Variants in WWP1 observed in about 807,000 individuals in gnomAD.
WWP1 encodes the protein WW domain containing E3 ubiquitin protein ligase 1.
In WWP1, 49 loss-of-function variants were observed where a neutral mutation model predicts 130.6. The ratio of observed to expected loss-of-function variants is 0.38; its 90% CI spans 0.30 to 0.48. WWP1 has a LOEUF of 0.48. Ranked by LOEUF, WWP1 falls within the 20% of genes least tolerant of loss-of-function variation. The pLI, the probability that WWP1 is intolerant of heterozygous loss-of-function variation, is 0.99. For synonymous variants in WWP1, 332 were observed against 367.8 expected (o/e 0.90, Z 1.11); for missense variants, 809 against 1,100.6 (o/e 0.74, Z 3.75).
chr8:86,454,261 T>C (rs905270907), intron 21 of WWP1, among the ~76,000 whole-genome samples: 1 of 152,196 alleles, frequency 6.6e-6, no homozygotes, highest in Non-Finnish European at 1.5e-5. Flanking sequence ...AATGCTATGG[T>C]AAATAGTTGT....
At chr8:86,411,513 G>A in intron 8 of WWP1, 25 bp from the exon 9 acceptor site, 1 of 1,586,860 alleles carries the variant, frequency 6.3e-7, no homozygotes, top group Non-Finnish European at 8.6e-7. Flanking sequence ...CTTGATAGAT[G>A]ATTTTATTAA....
intron 11 of WWP1, among the ~76,000 whole-genome samples, chr8:86,428,188 G>A (rs1809736773): frequency 6.6e-6 from 1 of 152,010 alleles, no homozygotes; most frequent in South Asian, 2.1e-4. Flanking sequence ...TTTACTTAGA[G>A]CCAGTCTTGC....
intron 5 of WWP1, among the ~76,000 whole-genome samples, chr8:86,392,754 C>T (rs73271015): frequency 0.11 from 15,857 of 142,042 alleles, 2,730 homozygotes; most frequent in African/African-American, 0.36. Flanking sequence ...TATAAATTCA[C>T]TTACTATCAA....
chr8:86,347,886 C>A (rs1259647668), intron 1 of WWP1, among the ~76,000 whole-genome samples: 1 of 152,004 alleles, frequency 6.6e-6, no homozygotes, highest in Non-Finnish European at 1.5e-5. Flanking sequence ...TTGAAATGCT[C>A]CAAAATGGGA....
At chr8:86,413,868 T>C (rs1808723179) in intron 9 of WWP1, among the ~76,000 whole-genome samples, 1 of 152,206 alleles carries the variant, frequency 6.6e-6, no homozygotes, top group Non-Finnish European at 1.5e-5. Flanking sequence ...TTGCTTTTAT[T>C]AAGATCATTT....
At chr8:86,384,052 C>T (rs899307791) in intron 5 of WWP1, among the ~76,000 whole-genome samples, 6 of 152,278 alleles carry the variant, frequency 3.9e-5, no homozygotes, top group African/African-American at 1.4e-4. Context: ...TGTAGATGGA[C>T]ATCTTTTCCC....
chr8:86,369,445 A>G (rs1824158774), intron 2 of WWP1, among the ~76,000 whole-genome samples: 1 of 152,036 alleles, frequency 6.6e-6, no homozygotes, highest in Admixed American at 6.6e-5. Flanking sequence ...GAGTCTGGGG[A>G]TTGGGTGATA....
intron 5 of WWP1, 108 bp downstream of exon 5, chr8:86,381,737 T>G (rs1824998730): frequency 1.8e-6 from 2 of 1,114,394 alleles, no homozygotes; most frequent in Non-Finnish European, 2.4e-6. Flanking sequence ...ATAAAGAACT[T>G]CAGTTATTGC....
intron 1 of WWP1, among the ~76,000 whole-genome samples, chr8:86,351,335 A>AC (rs1222998608): frequency 3.3e-5 from 5 of 151,546 alleles, no homozygotes; most frequent in Non-Finnish European, 7.4e-5. Context: ...TCAAATTTCC[A>AC]CCCCCAGCTT....
chr8:86,453,968 A>G (rs142494215), intron 21 of WWP1, among the ~76,000 whole-genome samples: 32 of 152,284 alleles, frequency 2.1e-4, no homozygotes, highest in Middle Eastern at 6.8e-3. Flanking sequence ...TCTTTCATGT[A>G]ATCAAATGTG....
At chr8:86,465,962 G>GT (rs1812080648) in intron 24 of WWP1, among the ~76,000 whole-genome samples, 1 of 152,068 alleles carries the variant, frequency 6.6e-6, no homozygotes, top group Non-Finnish European at 1.5e-5. Context: ...ATGGAAAGTG[G>GT]TGACAGTGGT....
chr8:86,447,036 A>G (rs1032803659), intron 18 of WWP1, among the ~76,000 whole-genome samples: 1 of 152,198 alleles, frequency 6.6e-6, no homozygotes, highest in African/African-American at 2.4e-5. Context: ...TAGGAATGAA[A>G]TAGTCATCTA....
In WWP1 at chr8:86,459,023, CTTTTTTTTTTT is replaced by C. The variant is rs71275853; in HGVS notation, c.2499+1012_2499+1022del. Among the ~76,000 whole-genome samples the C allele has an allele frequency of 4.7e-5, 4 of 84,260 alleles. No individual in the cohort carries two copies. The East Asian group carries it at 1.6e-3, about 35-fold the overall frequency. The allele number at this position is 84,260 out of a possible 152,430, so 55.3% of individuals were successfully genotyped here. A position where few individuals can be genotyped will look rare whatever the true frequency, so the allele number is the denominator to read the frequency against. On this transcript the variant is annotated intron_variant, in intron 22 of 24. Transcript: ENST00000517970. ...GTCATTCTTTTTCTTTTTCTTTTTT[CTTTTTTTTTTT>C]TTTTTTTTTTTTTGAGACAGAGTCT... is the stretch of plus-strand genomic sequence containing the variant.
rs1586253736 is a variant in WWP1, at chr8:86,359,979, G to A, written c.-114-8960G>A. ...CAGGAGAATGGCGTGAACCCGGGAGGTGGAGCTTGCAGTGAGCTGAGATTG... is the reference window on the plus strand; with the variant it reads ...CAGGAGAATGGCGTGAACCCGGGAGATGGAGCTTGCAGTGAGCTGAGATTG... On this transcript the variant is annotated intron_variant, in intron 1 of 24. Coordinates refer to ENST00000517970, the MANE Select transcript of WWP1 (RefSeq NM_007013.4). Among the ~76,000 whole-genome samples, 4 of 151,834 alleles carry A rather than the reference G, an allele frequency of 2.6e-5. No individual in the cohort carries two copies. The South Asian group carries it at 8.3e-4, about 32-fold the overall frequency.
chr8:86,425,374 T>C, intron 10 of WWP1, 56 bp downstream of exon 10: 1 of 1,362,548 alleles, frequency 7.3e-7, no homozygotes, highest in Non-Finnish European at 1.0e-6. Context: ...ATGTGGTTTT[T>C]AAATTTATTT....
intron 9 of WWP1, among the ~76,000 whole-genome samples, chr8:86,417,946 C>T (rs1423278282): frequency 6.6e-6 from 1 of 151,904 alleles, no homozygotes; most frequent in Non-Finnish European, 1.5e-5. Flanking sequence ...CAAACAGTGG[C>T]CTTATGTAAA....
rs1314173862 is a variant in WWP1, at chr8:86,342,719, G to C, written c.-326G>C. On this transcript the variant is annotated 5_prime_UTR_variant, in exon 1 of 25. Transcript: ENST00000517970. ...GGTGGCGCGTGGACGGGGTGGGGGT[G>C]GGGGGAGGGTCGGGTGTCGGCGAGC... is the stretch of plus-strand genomic sequence containing the variant. The C allele has an allele frequency of 9.4e-6, 3 of 317,836 alleles. No individual in the cohort carries two copies. Among genetic ancestry groups the C allele is most frequent in the South Asian group, 1.7e-4 (1 of 5,950 alleles). The allele number at this position is 317,836 out of a possible 1,614,324, so 19.7% of individuals were successfully genotyped here.
chr8:86,349,532 T>C (rs1024406622), intron 1 of WWP1, among the ~76,000 whole-genome samples: 1 of 152,230 alleles, frequency 6.6e-6, no homozygotes, highest in Non-Finnish European at 1.5e-5. Context: ...GGAAAACTGT[T>C]TTGGAAGCTG....
At chr8:86,419,502 A>C (rs1472621734) in intron 9 of WWP1, among the ~76,000 whole-genome samples, 1 of 152,218 alleles carries the variant, frequency 6.6e-6, no homozygotes, top group African/African-American at 2.4e-5. Flanking sequence ...ACCCAATGCT[A>C]TAAAAATGGA....
Sources: allele counts gnomAD v4.1 joint callset (sites outside exome capture counted in the v4.1 genomes callset), GRCh38; gene constraint gnomAD v4.1.1; transcripts MANE v1.5; gene names NCBI Gene and HGNC (gene_info 2026-07-23, HGNC 2026-07-21).